Variants in PCNX2 observed in about 807,000 individuals in gnomAD.
PCNX2 encodes pecanex-like protein 2.
PCNX2 carries 168 observed loss-of-function variants against 223.8 expected under a neutral mutation model. The ratio of observed to expected loss-of-function variants is 0.75; its 90% CI spans 0.66 to 0.85. The LOEUF (loss-of-function observed/expected upper bound fraction) is 0.85. PCNX2 is among the 40% of genes least tolerant of loss of function. The pLI is 0.00. For synonymous variants in PCNX2, 1,006 were observed against 1,052.6 expected (o/e 0.96, Z 0.86); for missense variants, 2,507 against 2,675.5 (o/e 0.94, Z 1.39).
chr1:233,014,974 A>G (rs978412473), intron 27 of PCNX2, among the ~76,000 whole-genome samples, 197 bp from the exon 28 acceptor site: 1 of 152,192 alleles, frequency 6.6e-6, no homozygotes, highest in Non-Finnish European at 1.5e-5. Context: ...AAAAAAAATA[A>G]AAGTGGAAAA....
At chr1:233,239,088 C>T (rs1319606178) in intron 8 of PCNX2, among the ~76,000 whole-genome samples, 1 of 152,164 alleles carries the variant, frequency 6.6e-6, no homozygotes, top group Non-Finnish European at 1.5e-5. Flanking sequence ...GACACAAATT[C>T]AGAGATATCT....
chr1:233,305,022 A>G, the PCNX2 span, among the ~76,000 whole-genome samples: 8 of 152,338 alleles, frequency 5.3e-5, no homozygotes, highest in Non-Finnish European at 8.8e-5. Flanking sequence ...GAACTTCTTC[A>G]GAAACAAAAG....
At chr1:233,229,027 C>G (rs1489160700) in intron 9 of PCNX2, among the ~76,000 whole-genome samples, 1 of 152,156 alleles carries the variant, frequency 6.6e-6, no homozygotes, top group East Asian at 1.9e-4. Flanking sequence ...TAAAGGACTT[C>G]TACATTTGTC....
chr1:233,227,483 T>C (rs1657813309), intron 9 of PCNX2, 112 bp from the exon 10 acceptor site: 2 of 963,706 alleles, frequency 2.1e-6, no homozygotes, highest in Non-Finnish European at 1.4e-6. Context: ...TACACCATAA[T>C]TTAAAAATAC....
At chr1:233,018,864 C>T in intron 26 of PCNX2, 1 of 985,454 alleles carries the variant, frequency 1.0e-6, no homozygotes, top group Non-Finnish European at 1.2e-6. Flanking sequence ...TGATGCTCTT[C>T]TCTGTTTATA....
intron 1 of PCNX2, among the ~76,000 whole-genome samples, chr1:233,294,652 C>T (rs137980795): frequency 3.3e-5 from 5 of 152,204 alleles, no homozygotes; most frequent in Admixed American, 2.6e-4. Flanking sequence ...GTTTTAATTA[C>T]GTATAATTTA....
chr1:233,288,591 T>C (rs1201693519), intron 1 of PCNX2, among the ~76,000 whole-genome samples: 3 of 151,954 alleles, frequency 2.0e-5, no homozygotes, highest in African/African-American at 2.4e-5. Context: ...AGAAAATAAT[T>C]ATCAATTTGA....
intron 21 of PCNX2, among the ~76,000 whole-genome samples, chr1:233,099,636 T>C (rs1674371919): frequency 6.6e-6 from 1 of 152,204 alleles, no homozygotes; most frequent in Non-Finnish European, 1.5e-5. Flanking sequence ...CCTTTACACT[T>C]TCCCCTTCTC....
intron 15 of PCNX2, among the ~76,000 whole-genome samples, chr1:233,186,492 A>G (rs970082185): frequency 1.6e-4 from 25 of 152,054 alleles, no homozygotes; most frequent in African/African-American, 6.0e-4. Context: ...TGTGCAATGG[A>G]TACCTTCTAG....
intron 21 of PCNX2, among the ~76,000 whole-genome samples, chr1:233,117,014 G>A (rs1000357953): frequency 3.0e-4 from 45 of 152,116 alleles, no homozygotes; most frequent in African/African-American, 8.7e-4. Flanking sequence ...ACAACACATA[G>A]TACAACAGAA....
chr1:233,062,003 C>A (rs1460538924), intron 23 of PCNX2, among the ~76,000 whole-genome samples: 1 of 152,198 alleles, frequency 6.6e-6, no homozygotes, highest in Non-Finnish European at 1.5e-5. Context: ...AGGTGATCCA[C>A]CTGCCTCGGC....
chr1:233,174,416 G>A (rs1459864166), intron 17 of PCNX2, among the ~76,000 whole-genome samples: 1 of 149,982 alleles, frequency 6.7e-6, no homozygotes, highest in Non-Finnish European at 1.5e-5. Flanking sequence ...TGGATTTATG[G>A]TAAATCCGTG....
intron 25 of PCNX2, among the ~76,000 whole-genome samples, chr1:233,038,579 G>T (rs1185479603): frequency 2.0e-5 from 3 of 152,162 alleles, no homozygotes; most frequent in African/African-American, 7.2e-5. Flanking sequence ...CGTGGTCAGG[G>T]ATTCTGAATG....
chr1:233,244,531 C>T (rs1658986667), intron 8 of PCNX2, among the ~76,000 whole-genome samples: 1 of 151,992 alleles, frequency 6.6e-6, no homozygotes, highest in Admixed American at 6.6e-5. Flanking sequence ...GCCAACATGA[C>T]AAAACCCCGT....
chr1:233,270,103 T>A (rs544371734), intron 1 of PCNX2, among the ~76,000 whole-genome samples: 8 of 152,302 alleles, frequency 5.3e-5, no homozygotes, highest in African/African-American at 1.9e-4. Context: ...TAAATGTTAG[T>A]ATCTTGTCTC....
intron 21 of PCNX2, among the ~76,000 whole-genome samples, chr1:233,122,612 T>A (rs944067884): frequency 6.6e-6 from 1 of 151,678 alleles, no homozygotes. Context: ...CAACCTCTCC[T>A]TCCTGGCTTC....
chr1:233,025,874 T>C (rs1558172354), intron 25 of PCNX2, among the ~76,000 whole-genome samples: 1 of 152,224 alleles, frequency 6.6e-6, no homozygotes, highest in Non-Finnish European at 1.5e-5. Flanking sequence ...GTTGTTCCTA[T>C]TATTTTTACT....
chr1:233,155,247 T>C (rs1275846169), intron 19 of PCNX2, among the ~76,000 whole-genome samples: 1 of 152,152 alleles, frequency 6.6e-6, no homozygotes, highest in Non-Finnish European at 1.5e-5. Flanking sequence ...CATACCATCA[T>C]GCCCAGCTAC....
chr1:233,013,339 GA>G (rs1010813636), intron 28 of PCNX2, among the ~76,000 whole-genome samples: 3 of 152,122 alleles, frequency 2.0e-5, no homozygotes, highest in African/African-American at 7.2e-5. Flanking sequence ...GCCTCCAGAG[GA>G]AAATGAAAAG....
Sources: gnomAD v4.1 joint callset for allele counts (sites outside exome capture counted in the v4.1 genomes callset) on GRCh38, gnomAD v4.1.1 for gene constraint, MANE v1.5 for transcripts, NCBI Gene and HGNC (gene_info 2026-07-23, HGNC 2026-07-21) for gene names.